Variants in LRRC7 observed in about 807,000 individuals in gnomAD.
The protein encoded by LRRC7 is leucine-rich repeat-containing protein 7.
Under a neutral mutation model 175.7 loss-of-function variants are expected in LRRC7, and 23 were observed. The ratio of observed to expected loss-of-function variants is 0.13; its 90% CI spans 0.09 to 0.19. The LOEUF is 0.19. Among genes scored for constraint, LRRC7 ranks in the 10% least tolerant of loss-of-function variants. The pLI is 1.00. For synonymous variants in LRRC7, 685 were observed against 680.9 expected, an observed-to-expected ratio of 1.01 and a Z score of -0.09; for missense variants, 1,354 against 1,904.7, an observed-to-expected ratio of 0.71 and a Z score of 5.38.
intron 1 of LRRC7, among the ~76,000 whole-genome samples, chr1:69,647,604 C>G (rs1299370761): frequency 6.6e-6 from 1 of 151,028 alleles, no homozygotes; most frequent in Non-Finnish European, 1.5e-5. Flanking sequence ...TGTTTTTTTT[C>G]TAAAGCCTAT....
At chr1:70,057,176 A>C (rs1049575776) in intron 23 of LRRC7, among the ~76,000 whole-genome samples, 7 of 152,208 alleles carry the variant, frequency 4.6e-5, no homozygotes, top group African/African-American at 1.4e-4. Flanking sequence ...TGAACCTATA[A>C]ATAGATATGT....
chr1:69,634,234 T>C (rs1652970907), intron 1 of LRRC7, among the ~76,000 whole-genome samples: 1 of 152,104 alleles, frequency 6.6e-6, no homozygotes, highest in Admixed American at 6.6e-5. Context: ...TATAAGTGAT[T>C]TGTTAAGGTC....
Position 70,038,272 on chromosome 1 carries a change from G to A in LRRC7, c.2448G>A (p.Gly816=). ...WTDGSHYDNT[G]FVAEETTAEN... is the part of the protein sequence containing the mutation. Reference sequence around the variant, plus strand: ...ATGGCTCGCATTATGACAACACAGGGTTTGTTGCTGAGGAAACCACAGCCG... The same window carrying A: ...ATGGCTCGCATTATGACAACACAGGATTTGTTGCTGAGGAAACCACAGCCG... The change falls in exon 21 of 27, where the codon GGG becomes GGA. Residue 816 remains glycine, a synonymous_variant. Coordinates refer to ENST00000651989, the MANE Select transcript of LRRC7 (RefSeq NM_001370785.2). The A allele has an allele frequency of 2.5e-6, 4 of 1,614,126 alleles. No homozygotes were observed. Among genetic ancestry groups the A allele is most frequent in the Non-Finnish European group, 2.5e-6 (3 of 1,180,008 alleles).
At chr1:70,077,244 G>A (rs1430291770) in intron 24 of LRRC7, among the ~76,000 whole-genome samples, 2 of 151,918 alleles carry the variant, frequency 1.3e-5, no homozygotes, top group African/African-American at 2.4e-5. Flanking sequence ...CCTCTATTTT[G>A]TAATATCCTT....
At chr1:70,022,690 A>G (rs1210548376) in intron 16 of LRRC7, among the ~76,000 whole-genome samples, 2 of 152,234 alleles carry the variant, frequency 1.3e-5, no homozygotes, top group African/African-American at 4.8e-5. Flanking sequence ...TGGACAAATT[A>G]GAGCACAAAC....
chr1:69,660,761 C>T (rs1391659080), intron 1 of LRRC7, among the ~76,000 whole-genome samples: 3 of 152,096 alleles, frequency 2.0e-5, no homozygotes, highest in South Asian at 2.1e-4. Flanking sequence ...AAACATAAAG[C>T]GCCTTTGTAA....
intron 7 of LRRC7, among the ~76,000 whole-genome samples, chr1:69,917,083 T>C (rs911882426): frequency 6.6e-6 from 1 of 152,222 alleles, no homozygotes; most frequent in African/African-American, 2.4e-5. Context: ...ATAATGTAAC[T>C]ATAGATTGGT....
chr1:69,766,004 C>T (rs1326756453), intron 3 of LRRC7, among the ~76,000 whole-genome samples: 1 of 151,512 alleles, frequency 6.6e-6, no homozygotes, highest in African/African-American at 2.4e-5. Flanking sequence ...TAACAGTCAT[C>T]CTTTCAAGAA....
At chr1:69,704,620 T>A (rs112525462) in intron 2 of LRRC7, among the ~76,000 whole-genome samples, 2,616 of 152,072 alleles carry the variant, frequency 0.017, 65 homozygotes, top group African/African-American at 0.06. Context: ...TACTAAATTA[T>A]TATTCTGTTT....
At chr1:69,664,642 T>C (rs1453282855) in intron 1 of LRRC7, among the ~76,000 whole-genome samples, 1 of 152,228 alleles carries the variant, frequency 6.6e-6, no homozygotes, top group East Asian at 1.9e-4. Context: ...TTGTCCATTT[T>C]TAATCGGATT....
chr1:69,977,231 TAA>T (rs1197316358), intron 8 of LRRC7, among the ~76,000 whole-genome samples: 1 of 152,194 alleles, frequency 6.6e-6, no homozygotes, highest in African/African-American at 2.4e-5. Flanking sequence ...CCAGCCCTGT[TAA>T]GTTTCCTGTT....
Position 70,133,113 on chromosome 1 carries a change from C to T in LRRC7, c.*11226C>T, listed in dbSNP as rs1442712486. The stretch of plus-strand genomic sequence containing the variant: ...TTTAAAGAAACATGTGTCTGCAGTT[C>T]AGAAGAGCCACCACTAGATGGAGAC... On this transcript the variant is annotated 3_prime_UTR_variant, in exon 27 of 27. Transcript: ENST00000651989. 6.6e-6 allele frequency among the ~76,000 whole-genome samples: 1 copy of T among 152,132 alleles called. No homozygotes were observed. Among genetic ancestry groups the T allele is most frequent in the Non-Finnish European group, 1.5e-5 (1 of 68,036 alleles).
In LRRC7 at chr1:70,036,599, G is replaced by A. The variant is rs1659339937; in HGVS notation, c.2263G>A (p.Val755Ile). 6.2e-7 allele frequency: 1 copy of A among 1,613,288 alleles called. No homozygotes were observed. The highest frequency in any genetic ancestry group is 8.5e-7 in the Non-Finnish European group (1 of 1,179,748). The change falls in exon 20 of 27, where the codon GTA (valine) becomes ATA (isoleucine). Residue 755 changes from valine (V) to isoleucine (I), a missense_variant. Transcript: ENST00000651989. Reference protein sequence around the residue: ...GSLQTTAKDAVHNSLWGNRIA... With the variant: ...GSLQTTAKDAIHNSLWGNRIA... ...CTTGCAGACAACAGCTAAAGATGCAGTACATAATTCTTTGTGGGGTAACAG... is the reference window on the plus strand; with the variant it reads ...CTTGCAGACAACAGCTAAAGATGCAATACATAATTCTTTGTGGGGTAACAG...
chr1:69,746,293 C>T (rs904768589), intron 2 of LRRC7, among the ~76,000 whole-genome samples: 1 of 151,916 alleles, frequency 6.6e-6, no homozygotes, highest in Non-Finnish European at 1.5e-5. Context: ...GAAATCTTTA[C>T]TTGATCCTTT....
At chr1:69,657,662 A>G (rs1283478637) in intron 1 of LRRC7, among the ~76,000 whole-genome samples, 1 of 151,964 alleles carries the variant, frequency 6.6e-6, no homozygotes. Flanking sequence ...GTAAGAAGAG[A>G]TAAAAGCAGA....
In LRRC7 at chr1:70,141,333, C is replaced by A. The variant is rs1181828401; in HGVS notation, c.*19446C>A. The A allele has an allele frequency of 6.6e-6, 1 of 152,100 alleles. No homozygotes were observed. Among genetic ancestry groups the A allele is most frequent in the African/African-American group, 2.4e-5 (1 of 41,416 alleles). The allele number at this position is 152,100 out of a possible 1,614,324, so 9.4% of individuals were successfully genotyped here. On this transcript the variant is annotated 3_prime_UTR_variant, in exon 27 of 27. Coordinates refer to ENST00000651989, the MANE Select transcript of LRRC7 (RefSeq NM_001370785.2). ...GAGCCTGCAAATGAGACAATAGCTT[C>A]ATGCAGACTTTGGCCCAACTCTGTC... is the stretch of plus-strand genomic sequence containing the variant.
chr1:69,610,333 A>G (rs1648506944), intron 1 of LRRC7, among the ~76,000 whole-genome samples: 1 of 152,032 alleles, frequency 6.6e-6, no homozygotes, highest in African/African-American at 2.4e-5. Flanking sequence ...TTTGGCAAGA[A>G]TATTTTATCT....
intron 7 of LRRC7, among the ~76,000 whole-genome samples, chr1:69,897,690 T>A (rs979891226): frequency 1.9e-4 from 29 of 152,094 alleles, no homozygotes; most frequent in African/African-American, 5.8e-4. Flanking sequence ...TAAAAAAAAA[T>A]GTTCTAGCAG....
chr1:69,826,316 A>G (rs1156638310), intron 5 of LRRC7, among the ~76,000 whole-genome samples: 1 of 152,174 alleles, frequency 6.6e-6, no homozygotes, highest in African/African-American at 2.4e-5. Flanking sequence ...CCCTAGGAGA[A>G]TAGGAGAATG....
Sources: allele counts gnomAD v4.1 joint callset (sites outside exome capture counted in the v4.1 genomes callset), GRCh38; gene constraint gnomAD v4.1.1; transcripts MANE v1.5; gene names NCBI Gene and HGNC (gene_info 2026-07-23, HGNC 2026-07-21).